The following ZNF469 variants were observed in gnomAD, a reference collection of about 807,000 sequenced individuals.
ZNF469 encodes zinc finger protein 469.
Under a neutral mutation model 1.0 loss-of-function variants are expected in ZNF469, and 1 was observed. That is an observed-to-expected ratio of 1.00 (90% CI 0.35 to 4.73). The LOEUF (loss-of-function observed/expected upper bound fraction) is 4.73, where lower values mean the gene tolerates loss of function less well. ZNF469 is among the 30% of genes most tolerant of loss of function. The pLI is 0.16. For synonymous variants in ZNF469, 2,703 were observed against 2,363.4 expected (o/e 1.14, Z -4.17); for missense variants, 6,100 against 5,356.3 (o/e 1.14, Z -4.33).
rs1171408516 is a variant in ZNF469, at chr16:88,435,382, C to T, written c.7912C>T (p.Leu2638=). 12 of 1,550,394 alleles carry T rather than the reference C, an allele frequency of 7.7e-6. No individual in the cohort carries two copies. The highest frequency in any genetic ancestry group is 1.4e-5 in the African/African-American group (1 of 73,182). ...GAAGTCAAATAAGAAAAGGGGAAAG[C>T]TGAGAGGGAGAAGGCTCCGGGAGGA... is the stretch of plus-strand genomic sequence containing the variant. ...EGKSNKKRGK[L]RGRRLREESI... Residue 2638 remains leucine (L), a synonymous_variant, in exon 3 of 3, where the codon CTG becomes TTG. Coordinates refer to ENST00000565624, the MANE Select transcript of ZNF469 (RefSeq NM_001367624.2).
At chr16:88,326,001 C>A in the ZNF469 span, among the ~76,000 whole-genome samples, 1 of 152,324 alleles carries the variant, frequency 6.6e-6, no homozygotes, top group Non-Finnish European at 1.5e-5. Context: ...CCTGTGATTG[C>A]GCCCCCTCCC....
the ZNF469 span, among the ~76,000 whole-genome samples, chr16:88,355,386 A>G: frequency 6.6e-6 from 1 of 151,882 alleles, no homozygotes; most frequent in Non-Finnish European, 1.5e-5. Context: ...TCTGGTTCCT[A>G]CCCTCCCCGT....
At chr16:88,375,829 A>T in the ZNF469 span, among the ~76,000 whole-genome samples, 1 of 152,242 alleles carries the variant, frequency 6.6e-6, no homozygotes, top group Non-Finnish European at 1.5e-5. Context: ...CCCTTGGGAA[A>T]TCAGAAGGAA....
the ZNF469 span, among the ~76,000 whole-genome samples, chr16:88,317,494 G>A: frequency 6.6e-5 from 10 of 152,296 alleles, no homozygotes; most frequent in South Asian, 6.2e-4. Flanking sequence ...GTAGGGCCAC[G>A]GGCCTGTGGT....
At chr16:88,378,744 CTT>C (rs2092514751), upstream of ZNF469, among the ~76,000 whole-genome samples, 1 of 152,222 alleles carries the variant, frequency 6.6e-6, no homozygotes, top group South Asian at 2.1e-4. Flanking sequence ...GGGATGGGCT[CTT>C]TGCATCCTCC....
chr16:88,193,273 ATGGTGGTGGTGGAGATGG>A, the ZNF469 span, among the ~76,000 whole-genome samples: 8 of 93,650 alleles, frequency 8.5e-5, no homozygotes, highest in Non-Finnish European at 1.4e-4. Context: ...GGTAGTGGTG[ATGGTGGTGGTGGAGATGG>A]TGGTGGTGGG....
chr16:88,400,502 T>G (rs1377976705), intron 1 of ZNF469, among the ~76,000 whole-genome samples: 2 of 152,150 alleles, frequency 1.3e-5, no homozygotes, highest in African/African-American at 4.8e-5. Flanking sequence ...TTGGAAGCAG[T>G]TTGCTCGTCC....
chr16:88,259,562 G>T, the ZNF469 span, among the ~76,000 whole-genome samples: 1 of 152,176 alleles, frequency 6.6e-6, no homozygotes, highest in African/African-American at 2.4e-5. This position sits in a 1 kb window ranked among gnomAD's most constrained non-coding sequence, Gnocchi z 4.1. Flanking sequence ...CTGGGGGCCT[G>T]TCCAGCCTCC....
the ZNF469 span, among the ~76,000 whole-genome samples, chr16:88,301,540 C>A: frequency 3.3e-5 from 5 of 152,324 alleles, no homozygotes; most frequent in Middle Eastern, 3.4e-3. Context: ...GACGCTCACC[C>A]GAACAGCCTC....
chr16:88,217,445 T>A, the ZNF469 span, among the ~76,000 whole-genome samples: 3 of 152,154 alleles, frequency 2.0e-5, no homozygotes, highest in East Asian at 1.9e-4. Context: ...TTTCTTTTTT[T>A]TTATTATTAT....
the ZNF469 span, among the ~76,000 whole-genome samples, chr16:88,224,774 T>G: frequency 2.0e-5 from 3 of 151,612 alleles, no homozygotes; most frequent in Admixed American, 1.3e-4. Flanking sequence ...TCTGTAAGCA[T>G]GTACACGTGT....
chr16:88,312,391 T>C, the ZNF469 span, among the ~76,000 whole-genome samples: 1 of 152,266 alleles, frequency 6.6e-6, no homozygotes, highest in African/African-American at 2.4e-5. Flanking sequence ...CATTTGTCTC[T>C]TGACGGGTTG....
At chr16:88,285,601 C>G in the ZNF469 span, among the ~76,000 whole-genome samples, 1 of 152,260 alleles carries the variant, frequency 6.6e-6, no homozygotes. Flanking sequence ...TTGGCACCCT[C>G]TTGCCCACAG....
At position 88,439,634 on chromosome 16, in the gene ZNF469, C is replaced by T. The variant is rs1229186153; in HGVS notation, c.*302C>T. On this transcript the variant is annotated 3_prime_UTR_variant, in exon 3 of 3. Transcript: ENST00000565624. ...GACAGCAGCCCATCCCCTCAGCCCA[C>T]ACCCCTGCGCCCTGTGGGCACCGAC... The T allele has an allele frequency of 1.1e-5, 5 of 436,514 alleles. No homozygotes were observed. Among genetic ancestry groups the T allele is most frequent in the Non-Finnish European group, 1.7e-5 (4 of 235,834 alleles). The allele number at this position is 436,514 out of a possible 1,614,324, so 27.0% of individuals were successfully genotyped here.
Position 88,428,552 on chromosome 16 carries a change from C to T in ZNF469, c.1082C>T (p.Ala361Val), listed in dbSNP as rs1040506311. 7.1e-6 allele frequency: 11 copies of T among 1,550,038 alleles called. No homozygotes were observed. In the African/African-American group the frequency reaches 1.4e-4, roughly 19 times the overall value. The change falls in exon 3 of 3, where the codon GCT (alanine) becomes GTT (valine). Residue 361 changes from alanine to valine, a missense_variant. Physicochemically the swap from Ala to Val is moderately conservative, Grantham distance 64. Transcript: ENST00000565624. ...GGTGCCCTCTCTTCCCCTGGAGCTG[C>T]TCACTCGGCCCCGAGACCCTTCTCT... ...LSGALSSPGA[A>V]HSAPRPFSDS...
the ZNF469 span, among the ~76,000 whole-genome samples, chr16:88,144,067 A>G: frequency 7.9e-5 from 12 of 152,208 alleles, no homozygotes; most frequent in African/African-American, 2.9e-4. Context: ...CTGGGGAGAC[A>G]GGAGTGGGGA....
chr16:88,374,907 G>C, the ZNF469 span, among the ~76,000 whole-genome samples: 2 of 152,214 alleles, frequency 1.3e-5, no homozygotes, highest in African/African-American at 4.8e-5. Context: ...AGATGTAAAG[G>C]TTTTACCTGC....
At chr16:88,341,016 C>A in the ZNF469 span, among the ~76,000 whole-genome samples, 1 of 152,162 alleles carries the variant, frequency 6.6e-6, no homozygotes, top group African/African-American at 2.4e-5. Flanking sequence ...GCAGCCCTCG[C>A]AGAGCTCCTG....
chr16:88,387,170 C>T (rs1375469279), intron 1 of ZNF469, among the ~76,000 whole-genome samples: 1 of 152,198 alleles, frequency 6.6e-6, no homozygotes, highest in Non-Finnish European at 1.5e-5. Context: ...GGTGCGGACG[C>T]CGTCCGCACC....
Sources: allele counts gnomAD v4.1 joint callset (sites outside exome capture counted in the v4.1 genomes callset), GRCh38; gene constraint gnomAD v4.1.1; non-coding constraint Gnocchi (gnomAD v3.1); transcripts MANE v1.5; gene names NCBI Gene and HGNC (gene_info 2026-07-23, HGNC 2026-07-21).